Variants in PROSER2 observed in about 807,000 individuals in gnomAD.
PROSER2 encodes proline and serine-rich protein 2.
In PROSER2, 18 loss-of-function variants were observed where a neutral mutation model predicts 14.6. That is an observed-to-expected ratio of 1.23 (90% CI 0.85 to 1.83). The LOEUF (loss-of-function observed/expected upper bound fraction) is 1.83. PROSER2 is among the 40% of genes most tolerant of loss of function. The pLI, the probability that PROSER2 is intolerant of heterozygous loss-of-function variation, is 0.00. For synonymous variants in PROSER2, 367 were observed against 286.4 expected (o/e 1.28, Z -2.84); for missense variants, 823 against 629.8 (o/e 1.31, Z -3.28).
At position 11,823,631 on chromosome 10, in the gene PROSER2, G is replaced by GCGCCGC. The variant is rs1833571076; in HGVS notation, c.-82+168_-82+173dup. Among the ~76,000 whole-genome samples, 2 of 151,970 alleles carry GCGCCGC rather than the reference G, an allele frequency of 1.3e-5. No homozygotes were observed. Among genetic ancestry groups the GCGCCGC allele is most frequent in the Non-Finnish European group, 2.9e-5 (2 of 67,940 alleles). On this transcript the variant is annotated intron_variant, in intron 1 of 3. Transcript: ENST00000277570. The surrounding 1 kb of genome is among the most constrained non-coding windows in gnomAD (Gnocchi z 6.2). Reference sequence around the variant, plus strand: ...TCCTCGCTCTGACTAGGGGAGCCCGGCGCCGCCGCCGCAGAGGCCACCCGG... The same window carrying GCGCCGC: ...TCCTCGCTCTGACTAGGGGAGCCCGGCGCCGCCGCCGCCGCCGCAGAGGCCACCCGG...
intron 2 of PROSER2, among the ~76,000 whole-genome samples, chr10:11,857,921 G>T (rs1424275006): frequency 6.6e-6 from 1 of 152,018 alleles, no homozygotes; most frequent in Non-Finnish European, 1.5e-5. Context: ...TTAGTCTGCA[G>T]TTAAACTAAA....
chr10:11,867,092 G>A (rs575417479), intron 3 of PROSER2, among the ~76,000 whole-genome samples: 7 of 151,832 alleles, frequency 4.6e-5, no homozygotes, highest in East Asian at 1.9e-4. Flanking sequence ...GTGAAACCCC[G>A]TCTCTACTAA....
At position 11,869,660 on chromosome 10, in the gene PROSER2, C is replaced by A; in HGVS notation, c.562C>A (p.Leu188Met). ...PSPPVEHPRLLRSVPTPLVMA... is the reference protein window; with the variant it reads ...PSPPVEHPRLMRSVPTPLVMA... ...CCCGCCGGTGGAGCACCCCAGACTC[C>A]TGCGCTCTGTTCCCACGCCCCTCGT... The change falls in exon 4 of 4, where the codon CTG (leucine) becomes ATG (methionine). Residue 188 changes from leucine (L) to methionine (M), a missense_variant. Coordinates refer to ENST00000277570, the MANE Select transcript of PROSER2 (RefSeq NM_153256.4). This position sits in a 1 kb window ranked among gnomAD's most constrained non-coding sequence, Gnocchi z 4.4. 1 of 1,601,444 alleles carries A rather than the reference C, an allele frequency of 6.2e-7. No homozygotes were observed.
chr10:11,866,667 C>A lies in PROSER2; in HGVS notation c.275C>A (p.Pro92Gln). ...GGAGGAGTGTGCTGCCTCTGCTCCC[C>A]GTCTCTGGAGGAGAGCACCTCCAGT... Reference protein sequence around the residue: ...CDGGVCCLCSPSLEESTSSPS... With the variant: ...CDGGVCCLCSQSLEESTSSPS... The change falls in exon 3 of 4, where the codon CCG becomes CAG. Residue 92 changes from proline (P) to glutamine (Q), a missense_variant. Physicochemically the swap from Pro to Gln is moderately conservative, Grantham distance 76. Transcript: ENST00000277570. This position sits in a 1 kb window ranked among gnomAD's most constrained non-coding sequence, Gnocchi z 6.0. 1 of 1,614,150 alleles carries A rather than the reference C, an allele frequency of 6.2e-7. No individual in the cohort carries two copies. The highest frequency in any genetic ancestry group is 8.5e-7 in the Non-Finnish European group (1 of 1,180,034).
In PROSER2 at chr10:11,870,343, C is replaced by T. The variant is rs1834458577; in HGVS notation, c.1245C>T (p.Gly415=). The change falls in exon 4 of 4, where the codon GGC becomes GGT. Residue 415 remains glycine, a synonymous_variant. Transcript: ENST00000277570. The part of the protein sequence containing the change: ...QGITVQFAGR[G]SSEEARREAL... Reference sequence around the variant, plus strand: ...TCACCGTGCAGTTCGCGGGCCGCGGCTCCTCGGAGGAGGCGCGCAGGGAGG... The same window carrying T: ...TCACCGTGCAGTTCGCGGGCCGCGGTTCCTCGGAGGAGGCGCGCAGGGAGG... 6.6e-7 allele frequency: 1 copy of T among 1,507,914 alleles called. No individual in the cohort carries two copies. Among genetic ancestry groups the T allele is most frequent in the South Asian group, 1.2e-5 (1 of 80,112 alleles). The allele number at this position is 1,507,914 out of a possible 1,614,324, so 93.4% of individuals were successfully genotyped here. A position where few individuals can be genotyped will look rare whatever the true frequency, so the allele number is the denominator to read the frequency against.
intron 1 of PROSER2, among the ~76,000 whole-genome samples, chr10:11,840,461 C>A (rs2131056660): frequency 6.6e-6 from 1 of 152,178 alleles, no homozygotes; most frequent in Admixed American, 6.5e-5. Context: ...GTTAGGCCAA[C>A]CTTACAATCT....
chr10:11,865,016 T>G lies in PROSER2; in HGVS notation c.139-1515T>G, dbSNP rs1239264583. 2.6e-5 allele frequency among the ~76,000 whole-genome samples: 4 copies of G among 152,204 alleles called. No individual in the cohort carries two copies. Among genetic ancestry groups the G allele is most frequent in the African/African-American group, 9.6e-5 (4 of 41,458 alleles). On this transcript the variant is annotated intron_variant, in intron 2 of 3. Coordinates refer to ENST00000277570, the MANE Select transcript of PROSER2 (RefSeq NM_153256.4). The surrounding 1 kb of genome is among the most constrained non-coding windows in gnomAD (Gnocchi z 4.2). ...CCTTGGCATGGGTCTGTTTGATTTT[T>G]ATTCATTAGGTTGTACACTAAGGAC...
chr10:11,831,402 T>G (rs950618243), intron 1 of PROSER2, among the ~76,000 whole-genome samples: 2 of 152,322 alleles, frequency 1.3e-5, no homozygotes, highest in Admixed American at 6.5e-5. Flanking sequence ...GTAGAATGAC[T>G]TCAACTGGAA....
intron 2 of PROSER2, among the ~76,000 whole-genome samples, chr10:11,858,485 A>G (rs939358236): frequency 6.6e-6 from 1 of 152,150 alleles, no homozygotes; most frequent in Non-Finnish European, 1.5e-5. Context: ...GAGTCAACAG[A>G]GATCAGCTAG....
chr10:11,840,562 G>A (rs941174945), intron 1 of PROSER2, among the ~76,000 whole-genome samples: 1 of 152,024 alleles, frequency 6.6e-6, no homozygotes, highest in African/African-American at 2.4e-5. Context: ...ATTCTTAAAT[G>A]ACTGGCTTGT....
intron 1 of PROSER2, among the ~76,000 whole-genome samples, chr10:11,832,525 G>A (rs1224792344): frequency 6.6e-6 from 1 of 152,146 alleles, no homozygotes; most frequent in Non-Finnish European, 1.5e-5. Flanking sequence ...GCGTTACTGG[G>A]TTAGCGTGTG....
In PROSER2 at chr10:11,866,905, A is replaced by C. The variant is rs578205304; in HGVS notation, c.391+122A>C. 2.7e-6 allele frequency: 3 copies of C among 1,131,366 alleles called. No homozygotes were observed. In the African/African-American group the frequency reaches 4.7e-5, roughly 18 times the overall value. The allele number at this position is 1,131,366 out of a possible 1,614,324, so 70.1% of individuals were successfully genotyped here. A position where few individuals can be genotyped will look rare whatever the true frequency, so the allele number is the denominator to read the frequency against. On this transcript the variant is annotated intron_variant, in intron 3 of 3. Transcript: ENST00000277570. This position sits in a 1 kb window ranked among gnomAD's most constrained non-coding sequence, Gnocchi z 6.0. Reference sequence around the variant, plus strand: ...AGTTGTTGAGTCTTACCAGATTTTTATAGGGGAAAATACTCCTTGGCAGTT... The same window carrying C: ...AGTTGTTGAGTCTTACCAGATTTTTCTAGGGGAAAATACTCCTTGGCAGTT...
chr10:11,868,312 C>A (rs1052184843), intron 3 of PROSER2, among the ~76,000 whole-genome samples: 3 of 152,188 alleles, frequency 2.0e-5, no homozygotes, highest in Non-Finnish European at 2.9e-5. Context: ...AACTCTCTCT[C>A]CCACCCAGGC....
In PROSER2 at chr10:11,833,585, G is replaced by A. The variant is rs1329465236; in HGVS notation, c.-82+10115G>A. On this transcript the variant is annotated intron_variant, in intron 1 of 3. Coordinates refer to ENST00000277570, the MANE Select transcript of PROSER2 (RefSeq NM_153256.4). ...TGGTGCCTGTAGTCCCAGTTACCCT[G>A]GAGGCTGAGGCAGGAGAATCTTTTG... 2.0e-4 allele frequency among the ~76,000 whole-genome samples: 30 copies of A among 152,012 alleles called. 1 individual carries two copies. Among genetic ancestry groups the A allele is most frequent in the Admixed American group, 1.9e-3 (29 of 15,250 alleles).
At chr10:11,843,896 GT>G (rs1001050495) in intron 1 of PROSER2, among the ~76,000 whole-genome samples, 106 of 145,368 alleles carry the variant, frequency 7.3e-4, no homozygotes, top group Non-Finnish European at 8.7e-4. Context: ...TAGGTTGAGG[GT>G]TTTTTTTTTT....
intron 1 of PROSER2, among the ~76,000 whole-genome samples, chr10:11,826,251 AT>A (rs1414503234): frequency 6.6e-6 from 1 of 152,162 alleles, no homozygotes; most frequent in Non-Finnish European, 1.5e-5. Flanking sequence ...GTGTGGACAG[AT>A]CGCATTCTAT....
rs1015284689 is a variant in PROSER2 at position 11,870,675 on chromosome 10, T to C, written c.*269T>C. On this transcript the variant is annotated 3_prime_UTR_variant, in exon 4 of 4. Transcript: ENST00000277570. ...TTCCCAAGAACTGAGAGAGAGAGAA[T>C]AACCTGTTAGACCCATAGGTTTCCG... 7.6e-6 allele frequency: 3 copies of C among 396,780 alleles called. No homozygotes were observed. Among genetic ancestry groups the C allele is most frequent in the Non-Finnish European group, 1.4e-5 (3 of 214,724 alleles). The allele number at this position is 396,780 out of a possible 1,614,324, so 24.6% of individuals were successfully genotyped here. A position where few individuals can be genotyped will look rare whatever the true frequency, so the allele number is the denominator to read the frequency against.
chr10:11,830,602 TC>T lies in PROSER2; in HGVS notation c.-82+7133del, dbSNP rs568350423. 4.6e-5 allele frequency among the ~76,000 whole-genome samples: 7 copies of T among 152,192 alleles called. No individual in the cohort carries two copies. The South Asian group carries it at 1.5e-3, about 32-fold the overall frequency. On this transcript the variant is annotated intron_variant, in intron 1 of 3. Transcript: ENST00000277570. This position sits in a 1 kb window ranked among gnomAD's most constrained non-coding sequence, Gnocchi z 4.5. ...GGTTTAGTCCCTGAGAAATCTCTAT[TC>T]TGTTTTCCATAGTCGACTCTACCCT...
intron 2 of PROSER2, among the ~76,000 whole-genome samples, chr10:11,852,795 T>G (rs1454852052): frequency 1.3e-5 from 2 of 151,332 alleles, no homozygotes; most frequent in African/African-American, 4.9e-5. Context: ...GTGCTGGGAT[T>G]ATAGGCGTGA....
Sources: allele counts gnomAD v4.1 joint callset (sites outside exome capture counted in the v4.1 genomes callset), GRCh38; gene constraint gnomAD v4.1.1; non-coding constraint Gnocchi (gnomAD v3.1); transcripts MANE v1.5; gene names NCBI Gene and HGNC (gene_info 2026-07-23, HGNC 2026-07-21).